Variants in POMT2 observed in about 807,000 individuals in gnomAD.
POMT2 encodes protein O-mannosyl-transferase 2.
Under a neutral mutation model 100.0 loss-of-function variants are expected in POMT2, and 75 were observed. The observed-to-expected ratio is 0.75, with a 90% CI of 0.62 to 0.91. The LOEUF (loss-of-function observed/expected upper bound fraction) is 0.91, where lower values mean the gene tolerates loss of function less well. Ranked by LOEUF, POMT2 falls within the 40% of genes least tolerant of loss-of-function variation. The probability of loss-of-function intolerance (pLI) is 0.00; values close to 1 mark genes in which losing one functional copy is unlikely to be tolerated. For missense variants in POMT2, 940 were observed against 955.1 expected (o/e 0.98, Z 0.21); for synonymous variants, 378 against 374.1 (o/e 1.01, Z -0.12).
chr14:77,309,249 T>C (rs909034816), intron 2 of POMT2, among the ~76,000 whole-genome samples: 4 of 152,184 alleles, frequency 2.6e-5, no homozygotes, highest in Non-Finnish European at 5.9e-5. Flanking sequence ...GGACTAGAAA[T>C]GTGGTGGATG....
chr14:77,298,837 G>T, intron 7 of POMT2, 66 bp from the exon 8 acceptor site: 1 of 1,349,206 alleles, frequency 7.4e-7, no homozygotes, highest in Non-Finnish European at 1.0e-6. Flanking sequence ...TCCCAGGAGC[G>T]CTGGGAAGAG....
At chr14:77,291,555 GGTGA>G (rs753179983) in intron 9 of POMT2, 175 bp from the exon 10 acceptor site, 3 of 777,784 alleles carry the variant, frequency 3.9e-6, no homozygotes, top group South Asian at 1.7e-5. Context: ...ATGTAGCACT[GGTGA>G]GTGAGATTCT....
At chr14:77,311,189 T>C (rs1035040720) in intron 2 of POMT2, among the ~76,000 whole-genome samples, 1 of 152,208 alleles carries the variant, frequency 6.6e-6, no homozygotes, top group African/African-American at 2.4e-5. Context: ...GAATTTCTAA[T>C]GGTAAAACAT....
rs7153929 is a variant in POMT2, at chr14:77,291,400, G to A, written c.1117-20C>T. ...GGTGACCTGGGTGGGGGGTGGGGGCGGAGGGAAGAGGAAGCAGGAGGGAGA... is the reference window on the plus strand; with the variant it reads ...GGTGACCTGGGTGGGGGGTGGGGGCAGAGGGAAGAGGAAGCAGGAGGGAGA... On this transcript the variant is annotated intron_variant, in intron 9 of 20. Coordinates refer to ENST00000261534, the MANE Select transcript of POMT2 (RefSeq NM_013382.7). 66,105 of 578,046 alleles carry A rather than the reference G, an allele frequency of 0.11. 3,351 individuals are homozygous for A. Among genetic ancestry groups the A allele is most frequent in the African/African-American group, 0.33 (16,247 of 49,688 alleles). 35.8% of individuals were successfully genotyped at this position (578,046 alleles called of 1,614,324 possible).
rs1890531247 is a variant in POMT2, at chr14:77,288,745, AC to A, written c.1253+16del. 1 of 1,610,698 alleles carries A rather than the reference AC, an allele frequency of 6.2e-7. No individual in the cohort carries two copies. The highest frequency in any genetic ancestry group is 8.5e-7 in the Non-Finnish European group (1 of 1,177,142). On this transcript the variant is annotated intron_variant, in intron 11 of 20. Coordinates refer to ENST00000261534, the MANE Select transcript of POMT2 (RefSeq NM_013382.7). ...GTGCCCGTACCATTTATTTATCCAA[AC>A]TGCAAATTGACTTACTCTTTGTGTT...
rs368362223 is a variant in POMT2, at chr14:77,320,516, C to G, written c.166G>C (p.Gly56Arg). The change falls in exon 1 of 21, where the codon GGC (glycine) becomes CGC (arginine). Residue 56 changes from glycine to arginine, a missense_variant. Transcript: ENST00000261534. ...ACCAAGGCCAGCAGGGCCCACCAGC[C>G]GACCGCCTCGAAGCGCCGTGAGCCC... ...AWGSRRFEAV[G>R]WWALLALVTL... The G allele has an allele frequency of 1.9e-6, 3 of 1,551,978 alleles. No individual in the cohort carries two copies. The highest frequency in any genetic ancestry group is 2.6e-6 in the Non-Finnish European group (3 of 1,152,840).
At chr14:77,290,042 A>G (rs552376257) in intron 10 of POMT2, among the ~76,000 whole-genome samples, 1 of 152,318 alleles carries the variant, frequency 6.6e-6, no homozygotes, top group East Asian at 1.9e-4. Context: ...GCAAGATGAC[A>G]AATCAACTAA....
chr14:77,285,849 T>C (rs1890409959), intron 12 of POMT2, among the ~76,000 whole-genome samples: 1 of 152,118 alleles, frequency 6.6e-6, no homozygotes, highest in Non-Finnish European at 1.5e-5. Flanking sequence ...CAAAAAACAG[T>C]AGTATGACTC....
chr14:77,310,569 C>T (rs1047741075), intron 2 of POMT2, among the ~76,000 whole-genome samples: 29 of 152,152 alleles, frequency 1.9e-4, no homozygotes, highest in Middle Eastern at 3.2e-3. Context: ...CATCCCTCCA[C>T]GCTGTAGGGC....
At chr14:77,278,195 G>A in intron 20 of POMT2, 199 bp downstream of exon 20, 1 of 607,888 alleles carries the variant, frequency 1.6e-6, no homozygotes, top group Non-Finnish European at 3.0e-6. Context: ...GTTAAGCCCT[G>A]CTTCTCCTAC....
At chr14:77,320,358 G>A (rs1891820761) in intron 1 of POMT2, 76 bp downstream of exon 1, 3 of 1,538,974 alleles carry the variant, frequency 1.9e-6, no homozygotes, top group Non-Finnish European at 2.6e-6. Context: ...CGCCCCCTCC[G>A]TACCCTCGGG....
At chr14:77,318,861 G>A (rs959974888) in intron 1 of POMT2, among the ~76,000 whole-genome samples, 1 of 150,958 alleles carries the variant, frequency 6.6e-6, no homozygotes, top group Non-Finnish European at 1.5e-5. Context: ...TCAGCCTCCC[G>A]AGTAGCTGGG....
intron 9 of POMT2, among the ~76,000 whole-genome samples, chr14:77,295,429 G>A (rs915093288): frequency 3.9e-5 from 6 of 152,034 alleles, no homozygotes; most frequent in Admixed American, 6.6e-5. Context: ...TCAGGAGATC[G>A]AGACTATCCT....
chr14:77,288,213 C>G (rs900415943), intron 11 of POMT2, among the ~76,000 whole-genome samples: 3 of 152,216 alleles, frequency 2.0e-5, no homozygotes, highest in Admixed American at 2.0e-4. Context: ...AGGCTTTGGC[C>G]TGGTAACTCT....
Position 77,320,846 on chromosome 14 carries a change from G to C in POMT2, c.-165C>G, listed in dbSNP as rs1891874545. The stretch of plus-strand genomic sequence containing the variant: ...GGGCTCGGGGCGGGGCGGGCAGCGT[G>C]GTCGCGGCCCGGGCCGCTAGGAGGC... On this transcript the variant is annotated 5_prime_UTR_variant, in exon 1 of 21. Coordinates refer to ENST00000261534, the MANE Select transcript of POMT2 (RefSeq NM_013382.7). 2.3e-5 allele frequency: 31 copies of C among 1,331,662 alleles called. No homozygotes were observed. The highest frequency in any genetic ancestry group is 3.0e-5 in the Non-Finnish European group (31 of 1,038,426). 82.5% of individuals were successfully genotyped at this position (1,331,662 alleles called of 1,614,324 possible).
chr14:77,288,450 C>T (rs1890517773), intron 11 of POMT2, among the ~76,000 whole-genome samples: 2 of 152,100 alleles, frequency 1.3e-5, no homozygotes, highest in South Asian at 2.1e-4. Context: ...GCGGGAGGAT[C>T]GCTTGAGCCC....
chr14:77,299,326 C>T, intron 7 of POMT2, 129 bp downstream of exon 7: 1 of 812,338 alleles, frequency 1.2e-6, no homozygotes, highest in African/African-American at 1.7e-5. Flanking sequence ...AGGAAAGAAA[C>T]AGGAAAAAGC....
rs1404659015 is a variant in POMT2 at position 77,304,678 on chromosome 14, C to A, written c.547+14G>T. 1.3e-6 allele frequency: 2 copies of A among 1,571,134 alleles called. No individual in the cohort carries two copies. Among genetic ancestry groups the A allele is most frequent in the Non-Finnish European group, 1.7e-6 (2 of 1,158,512 alleles). Reference sequence around the variant, plus strand: ...CCATTTCCCAAAAGCCATGGTATGGCTAAGACAACTTACCAAAGGTGAGGA... The same window carrying A: ...CCATTTCCCAAAAGCCATGGTATGGATAAGACAACTTACCAAAGGTGAGGA... On this transcript the variant is annotated intron_variant, in intron 4 of 20. Coordinates refer to ENST00000261534, the MANE Select transcript of POMT2 (RefSeq NM_013382.7).
At chr14:77,296,125 A>C in intron 9 of POMT2, 39 bp downstream of exon 9, 1 of 1,452,108 alleles carries the variant, frequency 6.9e-7, no homozygotes, top group South Asian at 1.2e-5. Context: ...CATGGCGAAC[A>C]GCATTGCTGC....
Sources: allele counts gnomAD v4.1 joint callset (sites outside exome capture counted in the v4.1 genomes callset), GRCh38; gene constraint gnomAD v4.1.1; transcripts MANE v1.5; gene names NCBI Gene and HGNC (gene_info 2026-07-23, HGNC 2026-07-21).